RNF13: variants seen among roughly 807,000 people sequenced by gnomAD.
The protein encoded by RNF13 is E3 ubiquitin-protein ligase RNF13.
Under a neutral mutation model 37.7 loss-of-function variants are expected in RNF13, and 19 were observed. That is an observed-to-expected ratio of 0.50 (90% CI 0.35 to 0.74). The LOEUF (loss-of-function observed/expected upper bound fraction) is 0.74, where lower values mean the gene tolerates loss of function less well. Among genes scored for constraint, RNF13 ranks in the 30% least tolerant of loss-of-function variants. The pLI, the probability that RNF13 is intolerant of heterozygous loss-of-function variation, is 0.01. For synonymous variants in RNF13, 144 were observed against 157.8 expected (o/e 0.91, Z 0.65); for missense variants, 375 against 453.0 (o/e 0.83, Z 1.56).
intron 8 of RNF13, among the ~76,000 whole-genome samples, chr3:149,924,916 G>A (rs1474996422): frequency 1.3e-5 from 2 of 152,156 alleles, no homozygotes; most frequent in Non-Finnish European, 2.9e-5. Flanking sequence ...AAGGTGAACT[G>A]GCCTTAGGTA....
intron 1 of RNF13, among the ~76,000 whole-genome samples, chr3:149,831,949 A>G (rs1000894578): frequency 1.3e-5 from 2 of 152,196 alleles, no homozygotes; most frequent in Non-Finnish European, 2.9e-5. Context: ...ATATGTGACC[A>G]TAATCACATT....
intron 4 of RNF13, among the ~76,000 whole-genome samples, chr3:149,874,126 G>T (rs902422771): frequency 1.3e-5 from 2 of 152,104 alleles, no homozygotes; most frequent in African/African-American, 4.8e-5. Flanking sequence ...ATGAATAAGG[G>T]TCTAGTCTGT....
Position 149,921,157 on chromosome 3 carries a change from A to G in RNF13, c.630A>G (p.Arg210=), listed in dbSNP as rs2108536757. 2 of 1,412,416 alleles carry G rather than the reference A, an allele frequency of 1.4e-6. No individual in the cohort carries two copies. Among genetic ancestry groups the G allele is most frequent in the African/African-American group, 1.5e-5 (1 of 68,466 alleles). 87.5% of individuals were successfully genotyped at this position (1,412,416 alleles called of 1,614,324 possible). The change falls in exon 8 of 10, where the codon AGA becomes AGG. Residue 210 remains arginine, a synonymous_variant. Transcript: ENST00000392894. ...IFMITKFVQD[R]HRARRNRLRK... ...AGATCACAAAATTTGTCCAGGATAG[A>G]CATAGAGCTAGAAGAAACAGACTTC...
chr3:149,913,094 A>G (rs2108520409), intron 7 of RNF13, among the ~76,000 whole-genome samples: 1 of 152,268 alleles, frequency 6.6e-6, no homozygotes, highest in Non-Finnish European at 1.5e-5. Flanking sequence ...GAATTCATAG[A>G]TTAGTTTAAA....
At chr3:149,840,643 C>T (rs1455336070) in intron 1 of RNF13, among the ~76,000 whole-genome samples, 1 of 152,132 alleles carries the variant, frequency 6.6e-6, no homozygotes, top group Non-Finnish European at 1.5e-5. Context: ...TAAGTTCAAG[C>T]ATGAGAGGCC....
intron 4 of RNF13, among the ~76,000 whole-genome samples, chr3:149,892,879 AG>A (rs1309364594): frequency 6.6e-6 from 1 of 152,184 alleles, no homozygotes; most frequent in Non-Finnish European, 1.5e-5. Flanking sequence ...AAGATCTTGA[AG>A]AAAAATATAA....
At chr3:149,925,700 T>C (rs1311277538) in intron 8 of RNF13, among the ~76,000 whole-genome samples, 1 of 152,192 alleles carries the variant, frequency 6.6e-6, no homozygotes, top group Admixed American at 6.5e-5. Context: ...GGTGCATATG[T>C]CCATGAATTT....
intron 3 of RNF13, among the ~76,000 whole-genome samples, chr3:149,870,408 C>T (rs549824790): frequency 1.3e-5 from 2 of 151,652 alleles, no homozygotes; most frequent in East Asian, 3.9e-4. Context: ...TGAGTTCTAG[C>T]TTATTTCTGG....
chr3:149,887,389 C>T (rs1400374638), intron 4 of RNF13, among the ~76,000 whole-genome samples: 2 of 152,208 alleles, frequency 1.3e-5, no homozygotes, highest in African/African-American at 2.4e-5. Flanking sequence ...AGATGTTGAT[C>T]TCCAGGGCTC....
intron 7 of RNF13, chr3:149,917,429 A>G (rs905603070): frequency 2.0e-5 from 3 of 152,140 alleles, no homozygotes; most frequent in African/African-American, 7.2e-5. Flanking sequence ...ATTTTAGTAT[A>G]TGTGTTGCTG....
chr3:149,868,933 T>TA (rs1711662019), intron 3 of RNF13, among the ~76,000 whole-genome samples: 1 of 151,860 alleles, frequency 6.6e-6, no homozygotes, highest in African/African-American at 2.4e-5. Flanking sequence ...ATAAGCTTTC[T>TA]ATACCTTACT....
chr3:149,878,736 T>C (rs944809836), intron 4 of RNF13, among the ~76,000 whole-genome samples: 1 of 152,236 alleles, frequency 6.6e-6, no homozygotes, highest in South Asian at 2.1e-4. Context: ...TTGAGAATTA[T>C]CTCTATTCTC....
chr3:149,917,484 T>A (rs749718639), intron 7 of RNF13: 1 of 152,192 alleles, frequency 6.6e-6, no homozygotes, highest in African/African-American at 2.4e-5. Flanking sequence ...TGAGAAACAC[T>A]TCCTCCTTCT....
intron 8 of RNF13, among the ~76,000 whole-genome samples, chr3:149,955,755 T>G (rs553920679): frequency 6.6e-6 from 1 of 152,320 alleles, no homozygotes; most frequent in African/African-American, 2.4e-5. Context: ...TATTTAACCC[T>G]GAATCTTCAA....
intron 5 of RNF13, among the ~76,000 whole-genome samples, chr3:149,900,525 G>A (rs1715719858): frequency 6.6e-6 from 1 of 151,898 alleles, no homozygotes; most frequent in Non-Finnish European, 1.5e-5. Flanking sequence ...AGTACACAAT[G>A]GTGCCATCTG....
intron 1 of RNF13, among the ~76,000 whole-genome samples, chr3:149,844,087 A>C (rs1195647975): frequency 6.6e-6 from 1 of 152,218 alleles, no homozygotes; most frequent in Non-Finnish European, 1.5e-5. Context: ...AATTAGGTAC[A>C]TACTTCTTCT....
At chr3:149,899,434 G>A (rs548890441) in intron 5 of RNF13, among the ~76,000 whole-genome samples, 1 of 152,234 alleles carries the variant, frequency 6.6e-6, no homozygotes, top group East Asian at 1.9e-4. Flanking sequence ...GGGCAACAGA[G>A]CAAGACTCCG....
intron 3 of RNF13, among the ~76,000 whole-genome samples, chr3:149,870,060 G>A (rs1711835406): frequency 6.6e-6 from 1 of 151,766 alleles, no homozygotes; most frequent in South Asian, 2.1e-4. Context: ...AATTACAAAG[G>A]AGGGCTCTCC....
rs3772207 is a variant in RNF13, at chr3:149,910,412, A to G, written c.501-1566A>G. ...AAGCTACTTGTATTCTAGCAATCGT[A>G]GCAATTTTTGGAAAGTTTAAATTAT... is the stretch of plus-strand genomic sequence containing the variant. On this transcript the variant is annotated intron_variant, in intron 6 of 9. Coordinates refer to ENST00000392894, the MANE Select transcript of RNF13 (RefSeq NM_183381.3). 2.0e-4 allele frequency among the ~76,000 whole-genome samples: 31 copies of G among 152,314 alleles called. No homozygotes were observed. The East Asian group carries it at 6.0e-3, about 29-fold the overall frequency.
Sources: gnomAD v4.1 joint callset for allele counts (sites outside exome capture counted in the v4.1 genomes callset) on GRCh38, gnomAD v4.1.1 for gene constraint, MANE v1.5 for transcripts, NCBI Gene and HGNC (gene_info 2026-07-23, HGNC 2026-07-21) for gene names.